The following DISP3 variants were observed in gnomAD, a reference collection of about 807,000 sequenced individuals.
DISP3 encodes protein dispatched homolog 3.
A neutral mutation model predicts 135.3 loss-of-function variants in DISP3; 101 were observed. That is an observed-to-expected ratio of 0.75 (90% confidence interval 0.64 to 0.88). The LOEUF is 0.88. DISP3 is among the 40% of genes least tolerant of loss of function. The pLI, the probability that DISP3 is intolerant of heterozygous loss-of-function variation, is 0.00. For missense variants in DISP3, 1,713 were observed against 1,878.6 expected (o/e 0.91, Z 1.63); for synonymous variants, 856 against 817.0 (o/e 1.05, Z -0.81).
chr1:11,501,494 G>A lies in DISP3; in HGVS notation c.502G>A (p.Ala168Thr), dbSNP rs1557599469. 6 of 1,606,554 alleles carry A rather than the reference G, an allele frequency of 3.7e-6. No individual in the cohort carries two copies. Among genetic ancestry groups the A allele is most frequent in the Non-Finnish European group, 4.2e-6 (5 of 1,176,492 alleles). The change falls in exon 2 of 21, where the codon GCC becomes ACC. Residue 168 changes from alanine to threonine, a missense_variant. Physicochemically the swap from Ala to Thr is moderately conservative, Grantham distance 58 (BLOSUM62 0). Coordinates refer to ENST00000294484, the MANE Select transcript of DISP3 (RefSeq NM_020780.2). This position sits in a 1 kb window ranked among gnomAD's most constrained non-coding sequence, Gnocchi z 4.9. ...GCATCTCGGCAACCGCTCGCGGCAAGCCTCCCGAGCCCCCCGCGTCATCCC... is the reference window on the plus strand; with the variant it reads ...GCATCTCGGCAACCGCTCGCGGCAAACCTCCCGAGCCCCCCGCGTCATCCC... ...QLHLGNRSRQ[A>T]SRAPRVIPAA...
At chr1:11,494,300 G>A (rs1641269372) in intron 1 of DISP3, among the ~76,000 whole-genome samples, 4 of 152,208 alleles carry the variant, frequency 2.6e-5, no homozygotes, top group Admixed American at 2.6e-4. Context: ...TTATTATGAT[G>A]GTCTTAATGG....
At chr1:11,533,938 C>A in intron 17 of DISP3, 1 of 702,352 alleles carries the variant, frequency 1.4e-6, no homozygotes, top group Non-Finnish European at 2.6e-6. Flanking sequence ...CCTGCCAGGG[C>A]CAGGCAGGTT....
chr1:11,489,301 T>C (rs1014898291), intron 1 of DISP3, among the ~76,000 whole-genome samples: 1 of 152,188 alleles, frequency 6.6e-6, no homozygotes, highest in African/African-American at 2.4e-5. Context: ...AAGAAGAGTT[T>C]TGCAACATCT....
rs781768261 is a variant in DISP3 at position 11,519,783 on chromosome 1, C to T, written c.2103C>T (p.Ser701=). Residue 701 remains serine (S), a synonymous_variant, in exon 9 of 21, where the codon TCC becomes TCT. Coordinates refer to ENST00000294484, the MANE Select transcript of DISP3 (RefSeq NM_020780.2). The surrounding 1 kb of genome is among the most constrained non-coding windows in gnomAD (Gnocchi z 4.3). ...CCCCCGAGGGTCTGCAGCCAGCCTC[C>T]AACACGGGCAGCCGCGGCCATCTCA... ...SVSPEGLQPA[S]NTGSRGHLIV... 3.7e-6 allele frequency: 6 copies of T among 1,613,104 alleles called. No homozygotes were observed. In the East Asian group the frequency reaches 1.1e-4, roughly 30 times the overall value.
intron 1 of DISP3, among the ~76,000 whole-genome samples, chr1:11,490,776 C>T (rs1641162384): frequency 6.6e-6 from 1 of 152,124 alleles, no homozygotes; most frequent in African/African-American, 2.4e-5. Flanking sequence ...CTGACATTAC[C>T]TCCAGAGGCT....
intron 1 of DISP3, chr1:11,481,148 C>T (rs1640895083): frequency 6.5e-6 from 1 of 152,688 alleles, no homozygotes; most frequent in African/African-American, 2.4e-5. Context: ...TCACTTCTCT[C>T]CCCAACTTTC....
rs1309082030 is a variant in DISP3, at chr1:11,537,194, T to TG, written c.*513dup. ...CAGGAAGAGCACAGTGGATCCAGGGTGGGGGCCTCTCACCCCCTAACCCCG... is the reference window on the plus strand; with the variant it reads ...CAGGAAGAGCACAGTGGATCCAGGGTGGGGGGCCTCTCACCCCCTAACCCCG... On this transcript the variant is annotated 3_prime_UTR_variant, in exon 21 of 21. Coordinates refer to ENST00000294484, the MANE Select transcript of DISP3 (RefSeq NM_020780.2). 1 of 155,174 alleles carries TG rather than the reference T, an allele frequency of 6.4e-6. No individual in the cohort carries two copies. Among genetic ancestry groups the TG allele is most frequent in the African/African-American group, 2.4e-5 (1 of 41,452 alleles). 9.6% of individuals were successfully genotyped at this position (155,174 alleles called of 1,614,324 possible). A position where few individuals can be genotyped will look rare whatever the true frequency, so the allele number is the denominator to read the frequency against.
Position 11,520,588 on chromosome 1 carries a change from C to G in DISP3, c.2201-99C>G, listed in dbSNP as rs1322956687. On this transcript the variant is annotated intron_variant, in intron 9 of 20. Transcript: ENST00000294484. The surrounding 1 kb of genome is among the most constrained non-coding windows in gnomAD (Gnocchi z 4.8). ...CCCCGCACCCTTAGGACACCCGCCC[C>G]CCAACAACCAGAGCAGTTGTCTCCC... The G allele has an allele frequency of 7.1e-7, 1 of 1,402,874 alleles. No individual in the cohort carries two copies. Among genetic ancestry groups the G allele is most frequent in the Non-Finnish European group, 9.8e-7 (1 of 1,025,522 alleles). 86.9% of individuals were successfully genotyped at this position (1,402,874 alleles called of 1,614,324 possible).
chr1:11,482,960 G>A (rs1284210905), intron 1 of DISP3, among the ~76,000 whole-genome samples: 1 of 152,250 alleles, frequency 6.6e-6, no homozygotes, highest in Non-Finnish European at 1.5e-5. Context: ...AAAGAGAGCA[G>A]TGTCGGCCCA....
At chr1:11,533,499 C>T (rs954843398) in intron 17 of DISP3, among the ~76,000 whole-genome samples, 8 of 152,156 alleles carry the variant, frequency 5.3e-5, no homozygotes, top group Non-Finnish European at 7.4e-5. Context: ...TCAGGTGATC[C>T]GCCTGCCTCA....
chr1:11,525,955 A>G (rs888957508), intron 12 of DISP3, among the ~76,000 whole-genome samples: 1 of 152,178 alleles, frequency 6.6e-6, no homozygotes, highest in African/African-American at 2.4e-5. Context: ...GACCACAGGC[A>G]CACACCACCA....
rs529603607 is a variant in DISP3, at chr1:11,491,735, A to G, written c.-3-9255A>G. On this transcript the variant is annotated intron_variant, in intron 1 of 20. Transcript: ENST00000294484. This position sits in a 1 kb window ranked among gnomAD's most constrained non-coding sequence, Gnocchi z 4.3. The stretch of plus-strand genomic sequence containing the variant: ...GTGACTCCGATTCACGTAAAAGTCC[A>G]AGGATCTTTGGGGCAGAGAATAAGG... Among the ~76,000 whole-genome samples, 1 of 152,330 alleles carries G rather than the reference A, an allele frequency of 6.6e-6. No individual in the cohort carries two copies. Among genetic ancestry groups the G allele is most frequent in the Non-Finnish European group, 1.5e-5 (1 of 68,028 alleles).
chr1:11,526,716 G>A lies in DISP3; in HGVS notation c.2679G>A (p.Leu893=). The A allele has an allele frequency of 6.2e-7, 1 of 1,614,078 alleles. No individual in the cohort carries two copies. The highest frequency in any genetic ancestry group is 1.1e-5 in the South Asian group (1 of 91,084). The change falls in exon 13 of 21, where the codon CTG becomes CTA. Residue 893 remains leucine (L), a synonymous_variant. Transcript: ENST00000294484. ...CCGCTTGTATGTCTACAGTAGGGCT[G>A]CTCCAGGCGGCGAGCCCCTCCCGCA... The part of the protein sequence containing the change: ...KLTACMSTVG[L]LQAASPSRKW...
chr1:11,501,646 T>C lies in DISP3; in HGVS notation c.654T>C (p.Ser218=), dbSNP rs757174591. The C allele has an allele frequency of 9.9e-6, 16 of 1,609,126 alleles. No homozygotes were observed. Among genetic ancestry groups the C allele is most frequent in the Non-Finnish European group, 1.4e-5 (16 of 1,178,432 alleles). ...PPLEDLAANQ[S]EDPRNQRLSK... is the part of the protein sequence containing the mutation. ...TGGAGGATCTGGCAGCCAACCAGAG[T>C]GAAGACCCGCGAAACCAGCGGCTGA... The change falls in exon 2 of 21, where the codon AGT becomes AGC. Residue 218 remains serine (S), a synonymous_variant. Coordinates refer to ENST00000294484, the MANE Select transcript of DISP3 (RefSeq NM_020780.2). The surrounding 1 kb of genome is among the most constrained non-coding windows in gnomAD (Gnocchi z 4.9).
chr1:11,520,603 A>G lies in DISP3; in HGVS notation c.2201-84A>G. ...ACACCCGCCCCCCAACAACCAGAGC[A>G]GTTGTCTCCCGGCACTTTGGAGCCC... On this transcript the variant is annotated intron_variant, in intron 9 of 20. Coordinates refer to ENST00000294484, the MANE Select transcript of DISP3 (RefSeq NM_020780.2). The surrounding 1 kb of genome is among the most constrained non-coding windows in gnomAD (Gnocchi z 4.8). The G allele has an allele frequency of 6.9e-7, 1 of 1,454,500 alleles. No individual in the cohort carries two copies. The highest frequency in any genetic ancestry group is 2.3e-5 in the East Asian group (1 of 42,816). The allele number at this position is 1,454,500 out of a possible 1,614,324, so 90.1% of individuals were successfully genotyped here. A position where few individuals can be genotyped will look rare whatever the true frequency, so the allele number is the denominator to read the frequency against.
At position 11,519,518 on chromosome 1, in the gene DISP3, A is replaced by G; in HGVS notation, c.2038+15A>G. On this transcript the variant is annotated intron_variant, in intron 8 of 20. Transcript: ENST00000294484. This position sits in a 1 kb window ranked among gnomAD's most constrained non-coding sequence, Gnocchi z 4.3. ...GGAAGAGCCAGGTGAGAGCTGGCAC[A>G]GGCCTGCCCTACTGACCCCAGTGAG... 1 of 1,612,978 alleles carries G rather than the reference A, an allele frequency of 6.2e-7. No homozygotes were observed. Among genetic ancestry groups the G allele is most frequent in the Non-Finnish European group, 8.5e-7 (1 of 1,179,874 alleles).
rs781642099 is a variant in DISP3 at position 11,529,692 on chromosome 1, G to T, written c.2929+6G>T. ...CTTCGTGCCTAGTGAGAAAGGTACG[G>T]CAAGGGCACACAGGTGGGGACCTCA... On this transcript the variant is annotated splice_donor_region_variant and intron_variant, in intron 14 of 20. Coordinates refer to ENST00000294484, the MANE Select transcript of DISP3 (RefSeq NM_020780.2). This position sits in a 1 kb window ranked among gnomAD's most constrained non-coding sequence, Gnocchi z 4.7. 3.7e-6 allele frequency: 6 copies of T among 1,603,320 alleles called. No individual in the cohort carries two copies. The Admixed American group carries it at 1.0e-4, about 27-fold the overall frequency.
rs570640593 is a variant in DISP3, at chr1:11,503,448, T to C, written c.1316+551T>C. Among the ~76,000 whole-genome samples, 24 of 152,310 alleles carry C rather than the reference T, an allele frequency of 1.6e-4. No individual in the cohort carries two copies. The South Asian group carries it at 1.9e-3, about 12-fold the overall frequency. On this transcript the variant is annotated intron_variant, in intron 3 of 20. Transcript: ENST00000294484. ...AGAACTAGGGAAACTAATGGTGTAA[T>C]TCTTCGTTCAAGACCAAAGGCCTGG...
intron 3 of DISP3, among the ~76,000 whole-genome samples, chr1:11,504,027 C>A (rs578235215): frequency 2.0e-5 from 3 of 152,190 alleles, no homozygotes; most frequent in Non-Finnish European, 4.4e-5. Context: ...CCCAGTCCCC[C>A]ACCCTGATAG....
Sources: allele counts gnomAD v4.1 joint callset (sites outside exome capture counted in the v4.1 genomes callset), GRCh38; gene constraint gnomAD v4.1.1; non-coding constraint Gnocchi (gnomAD v3.1); transcripts MANE v1.5; gene names NCBI Gene and HGNC (gene_info 2026-07-23, HGNC 2026-07-21).